Variants in SWT1 observed in about 807,000 individuals in gnomAD.
SWT1 encodes transcriptional protein SWT1.
Under a neutral mutation model 107.3 loss-of-function variants are expected in SWT1, and 33 were observed. The observed-to-expected ratio is 0.31, with a 90% CI of 0.23 to 0.41. The LOEUF (loss-of-function observed/expected upper bound fraction) is 0.41, where lower values mean the gene tolerates loss of function less well. Among genes scored for constraint, SWT1 ranks in the 10% least tolerant of loss-of-function variants. SWT1 has a pLI of 1.00. For missense variants in SWT1, 898 were observed against 1,028.9 expected (o/e 0.87, Z 1.74); for synonymous variants, 345 against 348.3 (o/e 0.99, Z 0.11).
At chr1:185,190,958 A>G (rs949684205) in intron 10 of SWT1, among the ~76,000 whole-genome samples, 2 of 152,138 alleles carry the variant, frequency 1.3e-5, no homozygotes, top group African/African-American at 4.8e-5. Context: ...CAAGAAATTT[A>G]TTTACTTACA....
chr1:185,196,767 C>T (rs908757086), intron 10 of SWT1, among the ~76,000 whole-genome samples: 4 of 152,098 alleles, frequency 2.6e-5, no homozygotes, highest in African/African-American at 9.7e-5. Flanking sequence ...GGAGTTCACT[C>T]ATGATTTGGT....
intron 16 of SWT1, among the ~76,000 whole-genome samples, chr1:185,248,625 A>G (rs1661777179): frequency 1.3e-5 from 2 of 152,038 alleles, no homozygotes; most frequent in Admixed American, 1.3e-4. Context: ...TCCTGCTGTC[A>G]CTGTCATATC....
intron 9 of SWT1, among the ~76,000 whole-genome samples, chr1:185,190,073 C>G (rs989606742): frequency 6.6e-6 from 1 of 152,100 alleles, no homozygotes; most frequent in Non-Finnish European, 1.5e-5. Flanking sequence ...GTCTCGAACT[C>G]CTGACCTCAA....
At position 185,261,891 on chromosome 1, in the gene SWT1, A is replaced by G. The variant is rs527465128; in HGVS notation, c.2442-9432A>G. Among the ~76,000 whole-genome samples, 9 of 152,236 alleles carry G rather than the reference A, an allele frequency of 5.9e-5. No individual in the cohort carries two copies. In the South Asian group the frequency reaches 1.7e-3, roughly 28 times the overall value. On this transcript the variant is annotated intron_variant, in intron 16 of 18. Coordinates refer to ENST00000367500, the MANE Select transcript of SWT1 (RefSeq NM_017673.7). ...AGCATTTCTTTAATGTTGTTGATCT[A>G]TTGTCAAAAGTCTCTGCATCTAGTG...
chr1:185,203,340 C>T (rs1192023484), intron 11 of SWT1, among the ~76,000 whole-genome samples: 4 of 152,056 alleles, frequency 2.6e-5, no homozygotes, highest in African/African-American at 9.7e-5. Flanking sequence ...CAAGAAGTAA[C>T]AGGCCGGGTG....
chr1:185,223,743 C>T (rs1211473019), intron 15 of SWT1, among the ~76,000 whole-genome samples: 1 of 152,086 alleles, frequency 6.6e-6, no homozygotes, highest in Non-Finnish European at 1.5e-5. Flanking sequence ...TATTTCTTCA[C>T]CCAGGCATTA....
intron 10 of SWT1, among the ~76,000 whole-genome samples, chr1:185,193,710 C>G (rs1657151566): frequency 6.6e-6 from 1 of 152,148 alleles, no homozygotes; most frequent in Admixed American, 6.6e-5. Flanking sequence ...CGTGATCCTC[C>G]CGCCTTGGCC....
intron 4 of SWT1, chr1:185,171,581 C>G (rs770264641): frequency 1.1e-5 from 5 of 471,492 alleles, no homozygotes; most frequent in Non-Finnish European, 2.1e-5. Flanking sequence ...TCCTCTCTTG[C>G]AAAAACTGCT....
intron 10 of SWT1, among the ~76,000 whole-genome samples, chr1:185,193,917 C>T (rs960637020): frequency 1.3e-5 from 2 of 152,176 alleles, no homozygotes; most frequent in Non-Finnish European, 2.9e-5. Context: ...GTGGTAAAGG[C>T]ATTGATGAAT....
intron 4 of SWT1, among the ~76,000 whole-genome samples, chr1:185,170,464 C>T (rs1444610361): frequency 6.6e-6 from 1 of 152,122 alleles, no homozygotes; most frequent in Non-Finnish European, 1.5e-5. Context: ...TCCCTGGGTA[C>T]CTCATGTCTC....
intron 3 of SWT1, among the ~76,000 whole-genome samples, chr1:185,167,099 G>A (rs114297036): frequency 3.3e-5 from 5 of 152,036 alleles, no homozygotes; most frequent in Admixed American, 1.3e-4. Flanking sequence ...GTAGAGAAAG[G>A]GTTTTACCTT....
At chr1:185,187,168 C>A (rs558335162) in intron 9 of SWT1, among the ~76,000 whole-genome samples, 1 of 150,106 alleles carries the variant, frequency 6.7e-6, no homozygotes, top group South Asian at 2.1e-4. Flanking sequence ...AAGAGCTTCT[C>A]GTGCCTCAGC....
chr1:185,277,334 G>A (rs981118455), intron 18 of SWT1, among the ~76,000 whole-genome samples: 9 of 151,448 alleles, frequency 5.9e-5, no homozygotes, highest in African/African-American at 2.2e-4. Context: ...CAAATGGTGC[G>A]ACAATGTGCA....
At chr1:185,157,463 G>GA (rs1653698421) in intron 1 of SWT1, 149 bp downstream of exon 1, 1 of 152,672 alleles carries the variant, frequency 6.5e-6, no homozygotes, top group Non-Finnish European at 1.5e-5. Flanking sequence ...CGGGTCCGGG[G>GA]ACGAGCCAGC....
intron 4 of SWT1, 63 bp downstream of exon 4, chr1:185,168,461 T>G: frequency 3.7e-6 from 4 of 1,092,218 alleles, no homozygotes; most frequent in Non-Finnish European, 4.9e-6. Flanking sequence ...ATATTTGGAT[T>G]TAAAAATTTT....
At chr1:185,216,582 T>C (rs1488488366) in intron 14 of SWT1, among the ~76,000 whole-genome samples, 2 of 152,064 alleles carry the variant, frequency 1.3e-5, no homozygotes, top group East Asian at 3.9e-4. Flanking sequence ...ACCATGAAAA[T>C]ATGATGTTAA....
At chr1:185,184,653 T>C in intron 8 of SWT1, 90 bp from the exon 9 acceptor site, 1 of 871,284 alleles carries the variant, frequency 1.1e-6, no homozygotes, top group South Asian at 1.7e-5. Context: ...AGGGACTGTG[T>C]GCTTTAAAAC....
intron 15 of SWT1, among the ~76,000 whole-genome samples, chr1:185,225,842 A>G (rs1385246453): frequency 6.6e-6 from 1 of 152,212 alleles, no homozygotes; most frequent in African/African-American, 2.4e-5. Context: ...ATTTTGTTAA[A>G]AGAAGATAAA....
chr1:185,214,044 G>A (rs1276611293), intron 13 of SWT1, among the ~76,000 whole-genome samples: 6 of 152,102 alleles, frequency 3.9e-5, no homozygotes, highest in Non-Finnish European at 7.4e-5. Context: ...ATGCAATGGA[G>A]TTGAAGATAA....
Sources: gnomAD v4.1 joint callset for allele counts (sites outside exome capture counted in the v4.1 genomes callset) on GRCh38, gnomAD v4.1.1 for gene constraint, MANE v1.5 for transcripts, NCBI Gene and HGNC (gene_info 2026-07-23, HGNC 2026-07-21) for gene names.